Variants in RBM28 observed in about 807,000 individuals in gnomAD.
RBM28 encodes the protein RNA-binding protein 28.
RBM28 carries 78 observed loss-of-function variants against 98.3 expected under a neutral mutation model. That is an observed-to-expected ratio of 0.79 (90% CI 0.66 to 0.96). The LOEUF (loss-of-function observed/expected upper bound fraction) is 0.96, where lower values mean the gene tolerates loss of function less well. Among genes scored for constraint, RBM28 ranks in the 40% least tolerant of loss-of-function variants. The pLI is 0.00. For synonymous variants in RBM28, 306 were observed against 330.9 expected, an observed-to-expected ratio of 0.92 and a Z score of 0.82; for missense variants, 838 against 913.0, an observed-to-expected ratio of 0.92 and a Z score of 1.06.
rs887990744 is a variant in RBM28, at chr7:128,308,106, C to G, written c.*2691G>C. ...GAGTCAATGGAGCTGACCAAATAGC[C>G]CATGGTAAGGTGTTCCAAAGGAAGA... On this transcript the variant is annotated 3_prime_UTR_variant, in exon 19 of 19. Coordinates refer to ENST00000223073, the MANE Select transcript of RBM28 (RefSeq NM_018077.3). 1 of 152,092 alleles carries G rather than the reference C, an allele frequency of 6.6e-6. No individual in the cohort carries two copies. Among genetic ancestry groups the G allele is most frequent in the Non-Finnish European group, 1.5e-5 (1 of 68,020 alleles). The allele number at this position is 152,092 out of a possible 1,614,324, so 9.4% of individuals were successfully genotyped here.
In RBM28 at chr7:128,321,161, G is replaced by A. The variant is rs140987172; in HGVS notation, c.1563+105C>T. On this transcript the variant is annotated intron_variant, in intron 14 of 18. Transcript: ENST00000223073. ...AGCCTGGGCAACAGAGTGAGACTTC[G>A]TCTCAAAACAAACAAACAAAATCTG... is the stretch of plus-strand genomic sequence containing the variant. 1,935 of 1,484,796 alleles carry A rather than the reference G, an allele frequency of 1.3e-3. 17 individuals carry two copies. In the African/African-American group the frequency reaches 0.024, roughly 18 times the overall value. 92.0% of individuals were successfully genotyped at this position (1,484,796 alleles called of 1,614,324 possible).
intron 6 of RBM28, 38 bp downstream of exon 6, chr7:128,337,093 T>G: frequency 6.3e-7 from 1 of 1,599,880 alleles, no homozygotes; most frequent in South Asian, 1.1e-5. Context: ...ACCCAGGTTA[T>G]ACAACGCCCC....
In RBM28 at chr7:128,301,470, G is replaced by A. The variant is rs1382032785; in HGVS notation, c.*9327C>T. ...TCAGCACTGACAGGGGCAACACCTG[G>A]CCTGGCACAAGGCTCTCCGCTTCTT... is the stretch of plus-strand genomic sequence containing the variant. On this transcript the variant is annotated 3_prime_UTR_variant, in exon 19 of 19. Transcript: ENST00000223073. 1 of 152,374 alleles carries A rather than the reference G, an allele frequency of 6.6e-6. No homozygotes were observed. Among genetic ancestry groups the A allele is most frequent in the Non-Finnish European group, 1.5e-5 (1 of 68,134 alleles). 9.4% of individuals were successfully genotyped at this position (152,374 alleles called of 1,614,324 possible).
intron 10 of RBM28, among the ~76,000 whole-genome samples, chr7:128,327,547 C>T (rs1422467566): frequency 6.6e-6 from 1 of 151,804 alleles, no homozygotes; most frequent in East Asian, 1.9e-4. Flanking sequence ...GTTGCCCAGG[C>T]TGGAGTCTAA....
At chr7:128,312,577 T>C (rs1051681874) in intron 18 of RBM28, among the ~76,000 whole-genome samples, 5 of 151,366 alleles carry the variant, frequency 3.3e-5, no homozygotes, top group Admixed American at 1.3e-4. Flanking sequence ...ATGAATAGCA[T>C]GGAAAAAAGG....
chr7:128,333,978 C>T (rs1796541618), intron 8 of RBM28, among the ~76,000 whole-genome samples: 2 of 152,232 alleles, frequency 1.3e-5, no homozygotes, highest in South Asian at 4.1e-4. Flanking sequence ...GAGGAAAAAA[C>T]ATACACATAC....
intron 8 of RBM28, 94 bp from the exon 9 acceptor site, chr7:128,333,456 G>T: frequency 2.8e-6 from 3 of 1,075,702 alleles, no homozygotes; most frequent in Non-Finnish European, 2.8e-6. Context: ...TAAGCCTGGC[G>T]CAGTGGCTCA....
chr7:128,316,740 C>A (rs1796114902), intron 16 of RBM28, among the ~76,000 whole-genome samples: 1 of 152,172 alleles, frequency 6.6e-6, no homozygotes, highest in Non-Finnish European at 1.5e-5. Flanking sequence ...AAACTGGTAG[C>A]TTCAGAATCA....
At chr7:128,332,998 G>A (rs1164738671) in intron 9 of RBM28, among the ~76,000 whole-genome samples, 1 of 152,192 alleles carries the variant, frequency 6.6e-6, no homozygotes, top group African/African-American at 2.4e-5. Flanking sequence ...CTAAAACAAA[G>A]GCCGGAAGCA....
At position 128,300,193 on chromosome 7, in the gene RBM28, T is replaced by C. The variant is rs1795761967; in HGVS notation, c.*10604A>G. 6.6e-6 allele frequency: 1 copy of C among 152,238 alleles called. No individual in the cohort carries two copies. Among genetic ancestry groups the C allele is most frequent in the African/African-American group, 2.4e-5 (1 of 41,446 alleles). The allele number at this position is 152,238 out of a possible 1,614,324, so 9.4% of individuals were successfully genotyped here. On this transcript the variant is annotated 3_prime_UTR_variant, in exon 19 of 19. Transcript: ENST00000223073. ...ATTTCACCCCTCCTCTCTTTGTGATTGGTTTTCACAAAGAAGCTCAAAGTG... is the reference window on the plus strand; with the variant it reads ...ATTTCACCCCTCCTCTCTTTGTGATCGGTTTTCACAAAGAAGCTCAAAGTG...
chr7:128,305,849 T>A lies in RBM28; in HGVS notation c.*4948A>T, dbSNP rs1239907921. ...GGTGGAAGAGTGACAGGAACTGATA[T>A]TTTTTTAGCAGTTACTATGAGAGGA... On this transcript the variant is annotated 3_prime_UTR_variant, in exon 19 of 19. Coordinates refer to ENST00000223073, the MANE Select transcript of RBM28 (RefSeq NM_018077.3). 3 of 152,144 alleles carry A rather than the reference T, an allele frequency of 2.0e-5. No individual in the cohort carries two copies. The highest frequency in any genetic ancestry group is 4.8e-5 in the African/African-American group (2 of 41,312). 9.4% of individuals were successfully genotyped at this position (152,144 alleles called of 1,614,324 possible).
intron 16 of RBM28, among the ~76,000 whole-genome samples, chr7:128,316,487 G>T (rs1472811595): frequency 6.6e-6 from 1 of 152,190 alleles, no homozygotes; most frequent in African/African-American, 2.4e-5. Context: ...GAGGCAGGTG[G>T]ATCACTTGAA....
At chr7:128,329,541 T>G (rs1232919586) in intron 10 of RBM28, among the ~76,000 whole-genome samples, 2 of 152,190 alleles carry the variant, frequency 1.3e-5, no homozygotes, top group Non-Finnish European at 2.9e-5. Flanking sequence ...AAGCAGCATT[T>G]TTCTAAGGAG....
Position 128,343,813 on chromosome 7 carries a change from C to A in RBM28, c.-20G>T. ...GGCCATGAGACCGGGAAACCCAAAGCGCGTGAGGACGCGAGCAAACTAGGC... is the reference window on the plus strand; with the variant it reads ...GGCCATGAGACCGGGAAACCCAAAGAGCGTGAGGACGCGAGCAAACTAGGC... On this transcript the variant is annotated 5_prime_UTR_variant, in exon 1 of 19. Coordinates refer to ENST00000223073, the MANE Select transcript of RBM28 (RefSeq NM_018077.3). 6.5e-7 allele frequency: 1 copy of A among 1,547,028 alleles called. No individual in the cohort carries two copies. The highest frequency in any genetic ancestry group is 8.8e-7 in the Non-Finnish European group (1 of 1,140,584).
At chr7:128,329,736 A>C (rs1716887351) in intron 10 of RBM28, among the ~76,000 whole-genome samples, 1 of 151,962 alleles carries the variant, frequency 6.6e-6, no homozygotes, top group Admixed American at 6.6e-5. Context: ...ATACAAACAC[A>C]AAATTAGCCG....
In RBM28 at chr7:128,309,895, G is replaced by A. The variant is rs1225465353; in HGVS notation, c.*902C>T. 5 of 152,200 alleles carry A rather than the reference G, an allele frequency of 3.3e-5. No homozygotes were observed. The highest frequency in any genetic ancestry group is 3.3e-4 in the Admixed American group (5 of 15,278). The allele number at this position is 152,200 out of a possible 1,614,324, so 9.4% of individuals were successfully genotyped here. ...TGTAGCCAAAAGTGAATGAAGAAGA[G>A]AGTGGATAAAGACAAGCAGAGGTGA... is the stretch of plus-strand genomic sequence containing the variant. On this transcript the variant is annotated 3_prime_UTR_variant, in exon 19 of 19. Transcript: ENST00000223073.
At chr7:128,338,182 G>T in intron 5 of RBM28, 68 bp downstream of exon 5, 2 of 1,151,112 alleles carry the variant, frequency 1.7e-6, no homozygotes, top group Non-Finnish European at 2.6e-6. Context: ...GCAGAAAGTG[G>T]GTTACTACAC....
chr7:128,339,103 TA>T, intron 3 of RBM28, 123 bp downstream of exon 3: 1 of 926,068 alleles, frequency 1.1e-6, no homozygotes, highest in Non-Finnish European at 1.8e-6. Flanking sequence ...TCAACAGGGG[TA>T]AGGTTGATTC....
chr7:128,320,304 G>A, intron 14 of RBM28, among the ~76,000 whole-genome samples: 1 of 136,228 alleles, frequency 7.3e-6, no homozygotes, highest in Non-Finnish European at 1.6e-5. Flanking sequence ...GGGAGGCTGA[G>A]GTGGGAGGAT....
Sources: gnomAD v4.1 joint callset for allele counts (sites outside exome capture counted in the v4.1 genomes callset) on GRCh38, gnomAD v4.1.1 for gene constraint, MANE v1.5 for transcripts, NCBI Gene and HGNC (gene_info 2026-07-23, HGNC 2026-07-21) for gene names.